The following UNC45A variants were observed in gnomAD, a reference collection of about 807,000 sequenced individuals.
UNC45A encodes unc-45 myosin chaperone A.
Under a neutral mutation model 103.2 loss-of-function variants are expected in UNC45A, and 78 were observed. That is an observed-to-expected ratio of 0.76 (90% CI 0.63 to 0.91). The LOEUF is 0.91. Ranked by LOEUF, UNC45A falls within the 40% of genes least tolerant of loss-of-function variation. The pLI is 0.00. For missense variants in UNC45A, 1,193 were observed against 1,224.8 expected, an observed-to-expected ratio of 0.97 and a Z score of 0.39; for synonymous variants, 495 against 504.6, an observed-to-expected ratio of 0.98 and a Z score of 0.25.
In UNC45A at chr15:90,949,573, C is replaced by T. The variant is rs548068070; in HGVS notation, c.2007-81C>T. The T allele has an allele frequency of 6.2e-5, 100 of 1,601,552 alleles. No homozygotes were observed. The South Asian group carries it at 9.5e-4, about 15-fold the overall frequency. On this transcript the variant is annotated intron_variant, in intron 14 of 19. Coordinates refer to ENST00000418476, the MANE Select transcript of UNC45A (RefSeq NM_018671.5). ...CGACGGGGGCTGCCTGCGTGGCTGC[C>T]GTCTTTGCTGAGCCTAGGAGTGCAG...
Position 90,952,909 on chromosome 15 carries a change from T to C in UNC45A, c.2304-20T>C, listed in dbSNP as rs2036998206. On this transcript the variant is annotated intron_variant, in intron 17 of 19. Coordinates refer to ENST00000418476, the MANE Select transcript of UNC45A (RefSeq NM_018671.5). ...AACATCCAAACCGTATCCCTGCTGC[T>C]TCCTCCTGTGGCCCTGCAGGCAGAA... 1 of 1,606,312 alleles carries C rather than the reference T, an allele frequency of 6.2e-7. No individual in the cohort carries two copies. Among genetic ancestry groups the C allele is most frequent in the Non-Finnish European group, 8.5e-7 (1 of 1,175,670 alleles).
chr15:90,947,601 A>C, intron 10 of UNC45A, 195 bp from the exon 11 acceptor site: 1 of 596,708 alleles, frequency 1.7e-6, no homozygotes. Flanking sequence ...ATGCTGTGTC[A>C]TGCGGCCACC....
intron 10 of UNC45A, 161 bp downstream of exon 10, chr15:90,947,075 G>A (rs941734399): frequency 2.5e-6 from 2 of 805,322 alleles, no homozygotes; most frequent in South Asian, 1.9e-5. Flanking sequence ...TATAGGTCCA[G>A]CTACTTGGGA....
At chr15:90,942,717 G>A in intron 7 of UNC45A, 112 bp downstream of exon 7, 1 of 1,562,482 alleles carries the variant, frequency 6.4e-7, no homozygotes. Context: ...AGGTTGTTTG[G>A]AATACGGTTT....
intron 5 of UNC45A, 105 bp from the exon 6 acceptor site, chr15:90,940,201 G>A: frequency 7.6e-7 from 1 of 1,311,588 alleles, no homozygotes; most frequent in Non-Finnish European, 1.1e-6. Context: ...TCACTCAACT[G>A]TGAAGTGGAA....
At position 90,948,248 on chromosome 15, in the gene UNC45A, G is replaced by T; in HGVS notation, c.1702G>T (p.Ala568Ser). The T allele has an allele frequency of 6.2e-7, 1 of 1,614,106 alleles. No individual in the cohort carries two copies. Among genetic ancestry groups the T allele is most frequent in the South Asian group, 1.1e-5 (1 of 91,090 alleles). ...CGTGAAGGAAGAGTTTGTGGAGGATGCGGCTGCTCTGAAAGCTCTGTTCCA... is the reference window on the plus strand; with the variant it reads ...CGTGAAGGAAGAGTTTGTGGAGGATTCGGCTGCTCTGAAAGCTCTGTTCCA... Reference protein sequence around the residue: ...ADVKEEFVEDAAALKALFQLS... With the variant: ...ADVKEEFVEDSAALKALFQLS... Residue 568 changes from alanine to serine, a missense_variant, in exon 12 of 20, where the codon GCG becomes TCG. Physicochemically the swap from Ala to Ser is moderately conservative, Grantham distance 99. Coordinates refer to ENST00000418476, the MANE Select transcript of UNC45A (RefSeq NM_018671.5).
intron 6 of UNC45A, among the ~76,000 whole-genome samples, chr15:90,942,045 A>G (rs368181246): frequency 3.5e-4 from 53 of 151,926 alleles, no homozygotes; most frequent in African/African-American, 1.2e-3. Context: ...CCACATCCCC[A>G]GGGTGTGGAA....
At chr15:90,951,859 C>G (rs776406427) in intron 17 of UNC45A, among the ~76,000 whole-genome samples, 18 of 152,126 alleles carry the variant, frequency 1.2e-4, no homozygotes, top group Non-Finnish European at 2.1e-4. Flanking sequence ...GTCAAGGCTA[C>G]AGCAGTGAGC....
At position 90,935,571 on chromosome 15, in the gene UNC45A, G is replaced by C; in HGVS notation, c.79G>C (p.Glu27Gln). ...CAGCTCAGTGGAGCAGCTGCGGAAG[G>C]AGGGCAATGAGCTGTTCAAATGTGG... ...GASSVEQLRK[E>Q]GNELFKCGDY... Residue 27 changes from glutamate (E) to glutamine (Q), a missense_variant, in exon 2 of 20, where the codon GAG becomes CAG. By Grantham distance (29) the Glu-to-Gln change is conservative (BLOSUM62 2). Coordinates refer to ENST00000418476, the MANE Select transcript of UNC45A (RefSeq NM_018671.5). 2 of 1,611,128 alleles carry C rather than the reference G, an allele frequency of 1.2e-6. No individual in the cohort carries two copies. Among genetic ancestry groups the C allele is most frequent in the Non-Finnish European group, 1.7e-6 (2 of 1,178,632 alleles).
At chr15:90,943,946 C>T (rs2036422979) in intron 8 of UNC45A, among the ~76,000 whole-genome samples, 1 of 150,600 alleles carries the variant, frequency 6.6e-6, no homozygotes, top group South Asian at 2.1e-4. Flanking sequence ...ACCTTGGTCT[C>T]CCAAAGTGTT....
intron 10 of UNC45A, 132 bp from the exon 11 acceptor site, chr15:90,947,664 G>T (rs12915155): frequency 0.27 from 171,632 of 641,780 alleles, 25,220 homozygotes; most frequent in East Asian, 0.56. Context: ...GGAGGGAGAG[G>T]GTGCTGATTT....
Position 90,946,930 on chromosome 15 carries a change from T to TGGGG in UNC45A, c.1500+17_1500+20dup. The TGGGG allele has an allele frequency of 2.5e-6, 2 of 784,986 alleles. No homozygotes were observed. Among genetic ancestry groups the TGGGG allele is most frequent in the Non-Finnish European group, 4.1e-6 (2 of 484,388 alleles). The allele number at this position is 784,986 out of a possible 1,614,324, so 48.6% of individuals were successfully genotyped here. A position where few individuals can be genotyped will look rare whatever the true frequency, so the allele number is the denominator to read the frequency against. On this transcript the variant is annotated intron_variant, in intron 10 of 19. Transcript: ENST00000418476. ...GGCGCTAGTGGTGAGACGGTGGGCC[T>TGGGG]GGGGTGGGTGGGCAGGCAGCCAGGC...
chr15:90,944,986 C>T lies in UNC45A; in HGVS notation c.1122C>T (p.Leu374=), dbSNP rs773936663. Reference sequence around the variant, plus strand: ...ACAGCCGCATGAGCGCCTCTATTCTCCTCAGCAAGCTCTTTGATGACCTCA... The same window carrying T: ...ACAGCCGCATGAGCGCCTCTATTCTTCTCAGCAAGCTCTTTGATGACCTCA... ...TANSRMSASI[L]LSKLFDDLKC... The change falls in exon 9 of 20, where the codon CTC becomes CTT. Residue 374 remains leucine (L), a synonymous_variant. Transcript: ENST00000418476. The T allele has an allele frequency of 1.2e-6, 2 of 1,613,014 alleles. No individual in the cohort carries two copies. The highest frequency in any genetic ancestry group is 1.1e-5 in the South Asian group (1 of 91,028).
At chr15:90,946,942 G>GGGGGGGGGGGGGGGC in intron 10 of UNC45A, 28 bp downstream of exon 10, 1 of 817,446 alleles carries the variant, frequency 1.2e-6, no homozygotes, top group Non-Finnish European at 2.0e-6. Context: ...GGGTGGGTGG[G>GGGGGGGGGGGGGGGC]CAGGCAGCCA....
chr15:90,950,082 G>A, intron 15 of UNC45A, 72 bp from the exon 16 acceptor site: 1 of 1,456,574 alleles, frequency 6.9e-7, no homozygotes, highest in Non-Finnish European at 9.4e-7. Context: ...GGCACGGTCA[G>A]GGCTGGGGAG....
At chr15:90,942,843 G>A (rs1408650044) in intron 7 of UNC45A, 69 bp from the exon 8 acceptor site, 1 of 1,537,310 alleles carries the variant, frequency 6.5e-7, no homozygotes, top group African/African-American at 1.4e-5. Flanking sequence ...CTGGTTTGTT[G>A]GAGAAGTTGA....
At chr15:90,949,900 A>C in intron 15 of UNC45A, 180 bp downstream of exon 15, 1 of 711,912 alleles carries the variant, frequency 1.4e-6, no homozygotes, top group Non-Finnish European at 2.4e-6. Flanking sequence ...GCCCCTCCAC[A>C]CTGGTGCCTG....
chr15:90,949,699 G>C lies in UNC45A; in HGVS notation c.2052G>C (p.Val684=). ...AAGAGGTAGAGGACCGAGGCACTGT[G>C]GTTGCCCAGGGAGGCGGCAGGGTAA... The part of the protein sequence containing the change: ...LVEEVEDRGT[V]VAQGGGRALI... The change falls in exon 15 of 20, where the codon GTG becomes GTC. Residue 684 remains valine (V), a synonymous_variant. Coordinates refer to ENST00000418476, the MANE Select transcript of UNC45A (RefSeq NM_018671.5). The C allele has an allele frequency of 6.2e-7, 1 of 1,614,204 alleles. No homozygotes were observed. Among genetic ancestry groups the C allele is most frequent in the Non-Finnish European group, 8.5e-7 (1 of 1,180,046 alleles).
chr15:90,940,549 C>T (rs2036241575), intron 6 of UNC45A, 76 bp downstream of exon 6: 1 of 1,529,760 alleles, frequency 6.5e-7, no homozygotes, highest in African/African-American at 1.4e-5. Flanking sequence ...ATCCACCCAT[C>T]TGTCCATCCG....
Sources: allele counts gnomAD v4.1 joint callset (sites outside exome capture counted in the v4.1 genomes callset), GRCh38; gene constraint gnomAD v4.1.1; transcripts MANE v1.5; gene names NCBI Gene and HGNC (gene_info 2026-07-23, HGNC 2026-07-21).